The following FNTB variants were observed in gnomAD, a reference collection of about 807,000 sequenced individuals.
FNTB encodes the protein farnesyltransferase, CAAX box, subunit beta, also known as protein farnesyltransferase subunit beta.
In FNTB, 27 loss-of-function variants were observed where a neutral mutation model predicts 59.4. That is an observed-to-expected ratio of 0.45 (90% CI 0.34 to 0.63). The LOEUF (loss-of-function observed/expected upper bound fraction) is 0.63. FNTB is among the 20% of genes least tolerant of loss of function. The pLI, the probability that FNTB is intolerant of heterozygous loss-of-function variation, is 0.02. For synonymous variants in FNTB, 230 were observed against 220.7 expected, an observed-to-expected ratio of 1.04 and a Z score of -0.37; for missense variants, 449 against 559.6, an observed-to-expected ratio of 0.80 and a Z score of 1.99.
chr14:65,059,480 A>G (rs1267825758), intron 11 of FNTB, among the ~76,000 whole-genome samples: 2 of 152,034 alleles, frequency 1.3e-5, no homozygotes, highest in East Asian at 1.9e-4. Flanking sequence ...TGTTGTTACT[A>G]ATTTCTTCAT....
rs557366948 is a variant in FNTB, at chr14:65,045,326, G to T, written c.955+883G>T. Among the ~76,000 whole-genome samples, 14 of 152,194 alleles carry T rather than the reference G, an allele frequency of 9.2e-5. No individual in the cohort carries two copies. In the South Asian group the frequency reaches 1.7e-3, roughly 18 times the overall value. ...TGTTCTTCGGACTTAGTTGGATAAT[G>T]TAACTGCTCAAATGTAAAAGATGAG... On this transcript the variant is annotated intron_variant, in intron 9 of 11. Coordinates refer to ENST00000246166, the MANE Select transcript of FNTB (RefSeq NM_002028.4).
Position 65,061,254 on chromosome 14 carries a change from C to G in FNTB, c.1256C>G (p.Pro419Arg). The G allele has an allele frequency of 6.2e-7, 1 of 1,614,194 alleles. No individual in the cohort carries two copies. Among genetic ancestry groups the G allele is most frequent in the Non-Finnish European group, 8.5e-7 (1 of 1,180,036 alleles). The change falls in exon 12 of 12, where the codon CCA becomes CGA. Residue 419 changes from proline (P) to arginine (R), a missense_variant. Pro to Arg is a moderately radical substitution (Grantham distance 103). This residue lies in a region of FNTB where 337 missense variants were observed against 479.1 expected (regional missense o/e 0.70). Transcript: ENST00000246166. ...IQATTYFLQK[P>R]VPGFEELKDE... ...GCCACTACATACTTTCTACAGAAGC[C>G]AGTCCCAGGTTTTGAGGAGCTTAAG... is the stretch of plus-strand genomic sequence containing the variant.
intron 2 of FNTB, among the ~76,000 whole-genome samples, chr14:65,005,523 T>TCTC (rs1566865156): frequency 6.3e-4 from 46 of 72,870 alleles, no homozygotes; most frequent in African/African-American, 2.2e-3. Context: ...CTCTCTCTCT[T>TCTC]TCTCTTTCTC....
chr14:65,051,769 A>G (rs1218714952), intron 9 of FNTB, among the ~76,000 whole-genome samples: 2 of 151,626 alleles, frequency 1.3e-5, no homozygotes, highest in Admixed American at 1.3e-4. Flanking sequence ...TATTGATACC[A>G]TAAACTTTTA....
intron 7 of FNTB, among the ~76,000 whole-genome samples, chr14:65,037,741 ATTATTTAT>A (rs201126999): frequency 0.051 from 6,745 of 131,538 alleles, 331 homozygotes; most frequent in African/African-American, 0.11. Context: ...TTATTTATTT[ATTATTTAT>A]TTATTTATTT....
rs1303186382 is a variant in FNTB at position 65,012,531 on chromosome 14, T to C, written c.282+142T>C. On this transcript the variant is annotated intron_variant, in intron 3 of 11. Transcript: ENST00000246166. The surrounding 1 kb of genome is among the most constrained non-coding windows in gnomAD (Gnocchi z 5.0). The stretch of plus-strand genomic sequence containing the variant: ...TCTGTGGCTCTGGCAGGAGGTAGGG[T>C]GCTGTCACAGAGCTGGGACTCAGCC... 8.5e-6 allele frequency: 10 copies of C among 1,174,040 alleles called. No homozygotes were observed. The African/African-American group carries it at 1.5e-4, about 18-fold the overall frequency. 72.7% of individuals were successfully genotyped at this position (1,174,040 alleles called of 1,614,324 possible). A position where few individuals can be genotyped will look rare whatever the true frequency, so the allele number is the denominator to read the frequency against.
intron 4 of FNTB, among the ~76,000 whole-genome samples, chr14:65,019,810 C>G (rs1253227456): frequency 1.3e-5 from 2 of 152,190 alleles, no homozygotes; most frequent in East Asian, 3.8e-4. Flanking sequence ...CCTACTGGCT[C>G]TGACCCATAA....
chr14:65,012,435 ATCC>A lies in FNTB; in HGVS notation c.282+54_282+56del, dbSNP rs754828494. On this transcript the variant is annotated intron_variant, in intron 3 of 11. Transcript: ENST00000246166. This position sits in a 1 kb window ranked among gnomAD's most constrained non-coding sequence, Gnocchi z 5.0. The stretch of plus-strand genomic sequence containing the variant: ...CTCTTGCTGTCAAATTATCCACCAA[ATCC>A]TCCTCCTTTTTCTATTTAAACGTAA... The A allele has an allele frequency of 2.5e-6, 4 of 1,610,010 alleles. No homozygotes were observed. The African/African-American group carries it at 4.0e-5, about 16-fold the overall frequency.
intron 2 of FNTB, among the ~76,000 whole-genome samples, chr14:65,005,457 C>CTT (rs143226232): frequency 6.6e-5 from 6 of 91,056 alleles, no homozygotes; most frequent in Non-Finnish European, 8.7e-5. Flanking sequence ...TCTTTTCTTT[C>CTT]TTTCTTTCTT....
intron 4 of FNTB, among the ~76,000 whole-genome samples, chr14:65,021,338 A>G (rs1468510255): frequency 2.0e-5 from 3 of 152,252 alleles, no homozygotes; most frequent in African/African-American, 7.2e-5. Context: ...TTCCAAAGAT[A>G]AATTCAAATT....
In FNTB at chr14:65,044,730, T is replaced by G; in HGVS notation, c.955+287T>G. The G allele has an allele frequency of 2.3e-6, 1 of 429,032 alleles. No homozygotes were observed. The highest frequency in any genetic ancestry group is 4.1e-6 in the Non-Finnish European group (1 of 245,448). 26.6% of individuals were successfully genotyped at this position (429,032 alleles called of 1,614,324 possible). ...GGAAGTGGGCGCTGCTTCTGCGTTATCTGGAAGGAGCAGCCCACTCCTGTC... is the reference window on the plus strand; with the variant it reads ...GGAAGTGGGCGCTGCTTCTGCGTTAGCTGGAAGGAGCAGCCCACTCCTGTC... On this transcript the variant is annotated intron_variant, in intron 9 of 11. Coordinates refer to ENST00000246166, the MANE Select transcript of FNTB (RefSeq NM_002028.4). The surrounding 1 kb of genome is among the most constrained non-coding windows in gnomAD (Gnocchi z 5.5).
chr14:65,018,422 C>T lies in FNTB; in HGVS notation c.374+2706C>T, dbSNP rs546325763. Among the ~76,000 whole-genome samples the T allele has an allele frequency of 9.0e-4, 137 of 152,268 alleles. 7 individuals are homozygous for T. In the South Asian group the frequency reaches 0.024, roughly 26 times the overall value. On this transcript the variant is annotated intron_variant, in intron 4 of 11. Coordinates refer to ENST00000246166, the MANE Select transcript of FNTB (RefSeq NM_002028.4). ...AAAATAGTTTAAAAGATTTAATTTA[C>T]ATACATTAAAAATATAGATGATGAT...
rs2062040435 is a variant in FNTB at position 65,029,471 on chromosome 14, A to G, written c.605+1690A>G. ...GCTCTGTTACACTGCTGATAGTTTCAGAGATGAGCCTACTCAAGGGTCTGT... is the reference window on the plus strand; with the variant it reads ...GCTCTGTTACACTGCTGATAGTTTCGGAGATGAGCCTACTCAAGGGTCTGT... On this transcript the variant is annotated intron_variant, in intron 6 of 11. Coordinates refer to ENST00000246166, the MANE Select transcript of FNTB (RefSeq NM_002028.4). The surrounding 1 kb of genome is among the most constrained non-coding windows in gnomAD (Gnocchi z 4.7). Among the ~76,000 whole-genome samples, 1 of 152,236 alleles carries G rather than the reference A, an allele frequency of 6.6e-6. No homozygotes were observed. Among genetic ancestry groups the G allele is most frequent in the Admixed American group, 6.5e-5 (1 of 15,278 alleles).
intron 1 of FNTB, among the ~76,000 whole-genome samples, chr14:64,995,042 C>A (rs1178820147): frequency 6.6e-6 from 1 of 152,078 alleles, no homozygotes; most frequent in South Asian, 2.1e-4. Flanking sequence ...AAGCTGTTTT[C>A]TACTTTAAAT....
chr14:65,006,171 T>C, intron 2 of FNTB: 1 of 1,607,196 alleles, frequency 6.2e-7, no homozygotes, highest in Non-Finnish European at 8.5e-7. Flanking sequence ...TTTTTTTTTT[T>C]TTGCCACCAT....
rs370465058 is a variant in FNTB, at chr14:65,053,612, ACT to A, written c.1067+266_1067+267del. ...AGGGAAACAGATTGCTGGGTAGATA[ACT>A]CTTCTTTTTTTTAAAAAAAACAAAA... On this transcript the variant is annotated intron_variant, in intron 10 of 11. Coordinates refer to ENST00000246166, the MANE Select transcript of FNTB (RefSeq NM_002028.4). 4.1e-3 allele frequency among the ~76,000 whole-genome samples: 623 copies of A among 151,290 alleles called. 2 individuals are homozygous for A. Among genetic ancestry groups the A allele is most frequent in the South Asian group, 8.4e-3 (40 of 4,756 alleles).
At position 65,047,970 on chromosome 14, in the gene FNTB, CTT is replaced by C. The variant is rs1192071749; in HGVS notation, c.955+3531_955+3532del. Among the ~76,000 whole-genome samples, 1 of 138,350 alleles carries C rather than the reference CTT, an allele frequency of 7.2e-6. No individual in the cohort carries two copies. Among genetic ancestry groups the C allele is most frequent in the Non-Finnish European group, 1.5e-5 (1 of 64,864 alleles). The allele number at this position is 138,350 out of a possible 152,430, so 90.8% of individuals were successfully genotyped here. A position where few individuals can be genotyped will look rare whatever the true frequency, so the allele number is the denominator to read the frequency against. ...CAGACAGAAGACAGAAGGAGGGAGA[CTT>C]TTTAGATTTTTTTTTTTTTTTTTTT... On this transcript the variant is annotated intron_variant, in intron 9 of 11. Coordinates refer to ENST00000246166, the MANE Select transcript of FNTB (RefSeq NM_002028.4). The surrounding 1 kb of genome is among the most constrained non-coding windows in gnomAD (Gnocchi z 5.2).
intron 4 of FNTB, among the ~76,000 whole-genome samples, chr14:65,025,390 G>A (rs754127169): frequency 7.2e-5 from 11 of 152,324 alleles, no homozygotes; most frequent in Admixed American, 7.2e-4. Context: ...CTTTTGGTAT[G>A]CTAGTGCAGC....
In FNTB at chr14:64,987,000, C is replaced by T. The variant is rs1329374403; in HGVS notation, c.47C>T (p.Ser16Phe). The change falls in exon 1 of 12, where the codon TCC becomes TTC. Residue 16 changes from serine to phenylalanine, a missense_variant. Around this residue, in one of 2 missense-constraint regions of FNTB, gnomAD observed 112 missense variants for 80.5 expected, o/e 1.39. Transcript: ENST00000246166. ...ACCTACTATTGCCCTCCATCTTCCT[C>T]CCCCGTCTGGTCAGAGCCGCTGTAC... ...SFTYYCPPSS[S>F]PVWSEPLYSL... 6.2e-6 allele frequency: 10 copies of T among 1,614,106 alleles called. No individual in the cohort carries two copies. Among genetic ancestry groups the T allele is most frequent in the Non-Finnish European group, 2.5e-6 (3 of 1,180,042 alleles).
Sources: gnomAD v4.1 joint callset for allele counts (sites outside exome capture counted in the v4.1 genomes callset) on GRCh38, gnomAD v4.1.1 for gene constraint, gnomAD v4.1.1 regional missense constraint, Gnocchi (gnomAD v3.1) non-coding constraint, MANE v1.5 for transcripts, NCBI Gene and HGNC (gene_info 2026-07-23, HGNC 2026-07-21) for gene names.